FAM174B: variants seen among roughly 807,000 people sequenced by gnomAD.
The protein encoded by FAM174B is membrane protein FAM174B.
In FAM174B, 12 loss-of-function variants were observed where a neutral mutation model predicts 10.9. That is an observed-to-expected ratio of 1.10 (90% confidence interval 0.71 to 1.79). The LOEUF (loss-of-function observed/expected upper bound fraction) is 1.79. Among genes scored for constraint, FAM174B ranks in the 40% most tolerant of loss-of-function variants. The pLI, the probability that FAM174B is intolerant of heterozygous loss-of-function variation, is 0.00. For missense variants in FAM174B, 266 were observed against 233.3 expected (o/e 1.14, Z -0.91); for synonymous variants, 132 against 115.8 (o/e 1.14, Z -0.90).
At chr15:92,648,425 C>CT (rs1200439616) in intron 1 of FAM174B, among the ~76,000 whole-genome samples, 9 of 152,168 alleles carry the variant, frequency 5.9e-5, no homozygotes, top group Non-Finnish European at 2.9e-5. Context: ...GGGAAGAACA[C>CT]TGTTTACTCA....
chr15:92,633,734 G>C (rs1372749751), intron 1 of FAM174B, among the ~76,000 whole-genome samples: 1 of 152,152 alleles, frequency 6.6e-6, no homozygotes, highest in Non-Finnish European at 1.5e-5. Context: ...ATCAAGCTTT[G>C]TGTGGGACTT....
In FAM174B at chr15:92,647,651, C is replaced by T. The variant is rs1003820683; in HGVS notation, c.344+7665G>A. On this transcript the variant is annotated intron_variant, in intron 1 of 2. Coordinates refer to ENST00000327355, the MANE Select transcript of FAM174B (RefSeq NM_207446.3). The stretch of plus-strand genomic sequence containing the variant: ...CAAGGCTCTTTGTGGCAATAAGATA[C>T]CAAATTCCAACCTGATTCTGTGTAG... 2.0e-5 allele frequency among the ~76,000 whole-genome samples: 3 copies of T among 152,144 alleles called. No individual in the cohort carries two copies. In the East Asian group the frequency reaches 5.8e-4, roughly 29 times the overall value.
At chr15:92,621,670 T>C (rs2050720383) in intron 2 of FAM174B, among the ~76,000 whole-genome samples, 1 of 151,142 alleles carries the variant, frequency 6.6e-6, no homozygotes, top group African/African-American at 2.4e-5. Flanking sequence ...CTCAACAGAC[T>C]AGAGAAAGAG....
chr15:92,648,088 C>T (rs1282471440), intron 1 of FAM174B, among the ~76,000 whole-genome samples: 1 of 152,184 alleles, frequency 6.6e-6, no homozygotes, highest in Non-Finnish European at 1.5e-5. Context: ...CTTCAAGAAG[C>T]CCTGCCTTTC....
chr15:92,648,775 C>G (rs757097174), intron 1 of FAM174B, among the ~76,000 whole-genome samples: 28 of 152,202 alleles, frequency 1.8e-4, no homozygotes, highest in Non-Finnish European at 3.1e-4. Context: ...TCCTCTGTGC[C>G]ACACCTGCCC....
intron 1 of FAM174B, among the ~76,000 whole-genome samples, chr15:92,635,962 T>A (rs767755540): frequency 2.0e-4 from 30 of 152,110 alleles, no homozygotes; most frequent in Non-Finnish European, 4.1e-4. Context: ...ACAGAGCCAA[T>A]CAGCATTTTC....
chr15:92,649,604 A>T (rs187880906), intron 1 of FAM174B, among the ~76,000 whole-genome samples: 1 of 152,310 alleles, frequency 6.6e-6, no homozygotes, highest in Admixed American at 6.5e-5. Flanking sequence ...GGAAGCATGT[A>T]CTCTAATTAA....
In FAM174B at chr15:92,655,520, G is replaced by A; in HGVS notation, c.140C>T (p.Pro47Leu). The A allele has an allele frequency of 6.7e-7, 1 of 1,493,624 alleles. No homozygotes were observed. Among genetic ancestry groups the A allele is most frequent in the Non-Finnish European group, 8.9e-7 (1 of 1,122,066 alleles). 92.5% of individuals were successfully genotyped at this position (1,493,624 alleles called of 1,614,324 possible). Residue 47 changes from proline to leucine, a missense_variant, in exon 1 of 3, where the codon CCC becomes CTC. Transcript: ENST00000327355. ...GGTGGTGTTCCCGGGCCCCGGGCCG[G>A]GCGGTGGCCGCGACTCGCGCTCGGG... ...PEPERESRPP[P>L]GPGPGNTTRF...
At chr15:92,649,700 C>T (rs1044876067) in intron 1 of FAM174B, among the ~76,000 whole-genome samples, 2 of 152,220 alleles carry the variant, frequency 1.3e-5, no homozygotes, top group African/African-American at 4.8e-5. Context: ...CTCGGCATCT[C>T]TCAACTCTGG....
chr15:92,647,288 C>G (rs1178269666), intron 1 of FAM174B, among the ~76,000 whole-genome samples: 1 of 152,170 alleles, frequency 6.6e-6, no homozygotes, highest in Non-Finnish European at 1.5e-5. Context: ...CCTAATCGTC[C>G]TCCTCCTCCA....
At chr15:92,647,956 C>G (rs1038780835) in intron 1 of FAM174B, among the ~76,000 whole-genome samples, 1 of 152,172 alleles carries the variant, frequency 6.6e-6, no homozygotes, top group African/African-American at 2.4e-5. Context: ...GTCTCCACAA[C>G]CCCCCTTATC....
intron 1 of FAM174B, among the ~76,000 whole-genome samples, chr15:92,641,518 A>G (rs445311): frequency 0.95 from 143,817 of 152,152 alleles, 68,533 homozygotes; most frequent in East Asian, 1. Flanking sequence ...CCACTCAGAC[A>G]CACAAGATAT....
At chr15:92,640,979 TAATA>T (rs1189533929) in intron 1 of FAM174B, among the ~76,000 whole-genome samples, 2 of 152,006 alleles carry the variant, frequency 1.3e-5, no homozygotes, top group African/African-American at 4.8e-5. Context: ...TTAATCTCCT[TAATA>T]TATATATAGT....
At position 92,645,860 on chromosome 15, in the gene FAM174B, T is replaced by A. The variant is rs1199229959; in HGVS notation, c.344+9456A>T. On this transcript the variant is annotated intron_variant, in intron 1 of 2. Coordinates refer to ENST00000327355, the MANE Select transcript of FAM174B (RefSeq NM_207446.3). ...AGGTAGGGGAGGGTGGGAATGTCAGTCCTCACCACCCACTCCTTCTAGGCA... is the reference window on the plus strand; with the variant it reads ...AGGTAGGGGAGGGTGGGAATGTCAGACCTCACCACCCACTCCTTCTAGGCA... Among the ~76,000 whole-genome samples the A allele has an allele frequency of 3.3e-5, 5 of 151,942 alleles. No individual in the cohort carries two copies. The East Asian group carries it at 9.7e-4, about 29-fold the overall frequency.
rs1468064233 is a variant in FAM174B, at chr15:92,618,555, C to T, written c.*901G>A. ...GATTTTTTCCAGCCAGCCAAATCAC[C>T]GTTCATTTTTAAAATGGTTTTTAAA... On this transcript the variant is annotated 3_prime_UTR_variant, in exon 3 of 3. Transcript: ENST00000327355. 6.5e-6 allele frequency: 1 copy of T among 152,674 alleles called. No individual in the cohort carries two copies. The highest frequency in any genetic ancestry group is 1.5e-5 in the Non-Finnish European group (1 of 68,098). The allele number at this position is 152,674 out of a possible 1,614,324, so 9.5% of individuals were successfully genotyped here. A position where few individuals can be genotyped will look rare whatever the true frequency, so the allele number is the denominator to read the frequency against.
chr15:92,639,982 T>C (rs997611255), intron 1 of FAM174B, among the ~76,000 whole-genome samples: 1 of 152,064 alleles, frequency 6.6e-6, no homozygotes, highest in Non-Finnish European at 1.5e-5. Flanking sequence ...TCAGATGCTA[T>C]AGCAGAATAG....
chr15:92,631,971 G>C (rs1360449464), intron 1 of FAM174B, among the ~76,000 whole-genome samples: 1 of 151,392 alleles, frequency 6.6e-6, no homozygotes, highest in Non-Finnish European at 1.5e-5. Context: ...TGTGATCAGG[G>C]GCAAGTCAGT....
At chr15:92,638,927 G>C (rs2050873226) in intron 1 of FAM174B, among the ~76,000 whole-genome samples, 3 of 152,186 alleles carry the variant, frequency 2.0e-5, no homozygotes, top group Admixed American at 2.0e-4. Flanking sequence ...CTGGGGTGAC[G>C]GTACCAGCAG....
intron 1 of FAM174B, among the ~76,000 whole-genome samples, chr15:92,630,733 AT>A (rs1253005944): frequency 8.0e-6 from 1 of 124,532 alleles, no homozygotes; most frequent in African/African-American, 3.3e-5. Context: ...ATATTATATA[AT>A]TATATATTTT....
Sources: gnomAD v4.1 joint callset for allele counts (sites outside exome capture counted in the v4.1 genomes callset) on GRCh38, gnomAD v4.1.1 for gene constraint, MANE v1.5 for transcripts, NCBI Gene and HGNC (gene_info 2026-07-23, HGNC 2026-07-21) for gene names.